Variants in MYH9 observed in about 807,000 individuals in gnomAD.
The protein encoded by MYH9 is myosin heavy chain 9.
Under a neutral mutation model 241.9 loss-of-function variants are expected in MYH9, and 29 were observed. The observed-to-expected ratio is 0.12, with a 90% CI of 0.09 to 0.16. The LOEUF (loss-of-function observed/expected upper bound fraction) is 0.16. Among genes scored for constraint, MYH9 ranks in the 10% least tolerant of loss-of-function variants. The pLI, the probability that MYH9 is intolerant of heterozygous loss-of-function variation, is 1.00. For missense variants in MYH9, 1,803 were observed against 2,595.5 expected (o/e 0.69, Z 6.63); for synonymous variants, 1,047 against 1,062.6 (o/e 0.99, Z 0.29).
intron 1 of MYH9, among the ~76,000 whole-genome samples, chr22:36,356,288 A>C (rs1190574028): frequency 6.6e-6 from 1 of 152,172 alleles, no homozygotes; most frequent in African/African-American, 2.4e-5. Flanking sequence ...ATTGTTAAGA[A>C]AGATTCTTTG....
intron 1 of MYH9, among the ~76,000 whole-genome samples, chr22:36,385,548 C>T (rs914926541): frequency 6.6e-5 from 10 of 152,154 alleles, no homozygotes; most frequent in Non-Finnish European, 1.5e-4. Context: ...CCATCTCCAA[C>T]CCCTTAGGTT....
At chr22:36,358,189 C>A (rs534455243) in intron 1 of MYH9, among the ~76,000 whole-genome samples, 17 of 152,250 alleles carry the variant, frequency 1.1e-4, no homozygotes, top group African/African-American at 4.1e-4. Flanking sequence ...CTCAGCCTCC[C>A]GAGTAGCTGG....
intron 3 of MYH9, among the ~76,000 whole-genome samples, chr22:36,334,486 CCAGAT>C (rs1226658098): frequency 6.6e-6 from 1 of 152,244 alleles, no homozygotes; most frequent in African/African-American, 2.4e-5. Context: ...GTGGACCAGA[CCAGAT>C]AAGCCAGGAC....
At chr22:36,314,364 A>G (rs1603483323) in intron 12 of MYH9, 46 bp from the exon 13 acceptor site, 4 of 1,609,298 alleles carry the variant, frequency 2.5e-6, no homozygotes, top group Non-Finnish European at 3.4e-6. Context: ...ACCCTGCACT[A>G]AAGAGGCCCA....
In MYH9 at chr22:36,322,475, G is replaced by A. The variant is rs1190062913; in HGVS notation, c.659C>T (p.Ala220Val). The A allele has an allele frequency of 1.9e-6, 3 of 1,613,848 alleles. No homozygotes were observed. Among genetic ancestry groups the A allele is most frequent in the Non-Finnish European group, 2.5e-6 (3 of 1,180,002 alleles). Reference sequence around the variant, plus strand: ...CTTCACGGTCTTGGCGTTCCCGAAGGCCTCCAGGATGGGGTTGGCCTGCAG... The same window carrying A: ...CTTCACGGTCTTGGCGTTCCCGAAGACCTCCAGGATGGGGTTGGCCTGCAG... ...QLLQANPILE[A>V]FGNAKTVKND... The change falls in exon 6 of 41, where the codon GCC becomes GTC. Residue 220 changes from alanine to valine, a missense_variant. Physicochemically the swap from Ala to Val is moderately conservative, Grantham distance 64. This residue lies in a region of MYH9 where 222 missense variants were observed against 359.9 expected (regional missense o/e 0.62). Transcript: ENST00000216181.
At chr22:36,333,752 C>T (rs904431457) in intron 3 of MYH9, among the ~76,000 whole-genome samples, 1 of 152,196 alleles carries the variant, frequency 6.6e-6, no homozygotes, top group African/African-American at 2.4e-5. Context: ...TCTGAACACA[C>T]TGTTGTTCAG....
intron 1 of MYH9, among the ~76,000 whole-genome samples, chr22:36,358,437 TG>T (rs2017889756): frequency 6.6e-6 from 1 of 152,176 alleles, no homozygotes; most frequent in Non-Finnish European, 1.5e-5. Context: ...CTTCCACCAC[TG>T]GGACAGCCGG....
intron 1 of MYH9, among the ~76,000 whole-genome samples, chr22:36,384,134 G>A (rs918822946): frequency 3.3e-5 from 5 of 151,908 alleles, no homozygotes; most frequent in Non-Finnish European, 7.4e-5. Context: ...AGCCAAGTAT[G>A]GTGGCAGGCA....
chr22:36,338,854 T>G (rs536604159), intron 3 of MYH9, among the ~76,000 whole-genome samples: 1 of 151,826 alleles, frequency 6.6e-6, no homozygotes, highest in East Asian at 1.9e-4. Context: ...ATCGCCCACC[T>G]ACCTGCCCTC....
chr22:36,317,235 T>TCC (rs2017171819), intron 11 of MYH9, among the ~76,000 whole-genome samples: 1 of 151,940 alleles, frequency 6.6e-6, no homozygotes, highest in African/African-American at 2.4e-5. Context: ...CTTTACACTC[T>TCC]CCCCTCTTCT....
intron 20 of MYH9, 76 bp downstream of exon 20, chr22:36,302,492 A>G (rs1682150112): frequency 6.9e-6 from 9 of 1,307,148 alleles, no homozygotes; most frequent in Non-Finnish European, 9.8e-6. Context: ...TACAAAAAAT[A>G]CAAACAATTA....
At chr22:36,312,921 C>A (rs1452663698) in intron 13 of MYH9, among the ~76,000 whole-genome samples, 1 of 148,810 alleles carries the variant, frequency 6.7e-6, no homozygotes, top group Non-Finnish European at 1.5e-5. Flanking sequence ...CCAGCCTGGC[C>A]AACGTGGTGA....
chr22:36,374,433 T>C (rs914099810), intron 1 of MYH9, among the ~76,000 whole-genome samples: 3 of 152,160 alleles, frequency 2.0e-5, no homozygotes, highest in South Asian at 2.1e-4. Context: ...GGCAGGAGGA[T>C]TGCTTGAACC....
At chr22:36,360,428 C>T (rs1361768361) in intron 1 of MYH9, among the ~76,000 whole-genome samples, 1 of 152,050 alleles carries the variant, frequency 6.6e-6, no homozygotes, top group Non-Finnish European at 1.5e-5. Flanking sequence ...ATCTGCTTAA[C>T]TTAGGCCGGG....
At chr22:36,292,275 C>A in intron 30 of MYH9, 41 bp from the exon 31 acceptor site, 6 of 1,611,764 alleles carry the variant, frequency 3.7e-6, no homozygotes, top group Non-Finnish European at 5.1e-6. Context: ...CGAGATGGCA[C>A]CTGCTCAGGT....
At chr22:36,314,585 G>C (rs995679505) in intron 12 of MYH9, among the ~76,000 whole-genome samples, 1 of 152,162 alleles carries the variant, frequency 6.6e-6, no homozygotes, top group Non-Finnish European at 1.5e-5. Context: ...AGATTACAAA[G>C]AAAGTAGTTA....
intron 31 of MYH9, 66 bp downstream of exon 31, chr22:36,291,919 GC>G (rs2016711164): frequency 1.2e-6 from 2 of 1,609,788 alleles, no homozygotes; most frequent in African/African-American, 2.7e-5. Context: ...TCTCTGATGG[GC>G]CCTTTGCTTT....
At chr22:36,307,910 C>A (rs1433606328) in intron 15 of MYH9, among the ~76,000 whole-genome samples, 1 of 151,480 alleles carries the variant, frequency 6.6e-6, no homozygotes, top group Non-Finnish European at 1.5e-5. Context: ...AAAAGGGAGT[C>A]ATCTTTGACC....
In MYH9 at chr22:36,348,938, T is replaced by C. The variant is rs920764409; in HGVS notation, c.299A>G (p.Asn100Ser). The change falls in exon 2 of 41, where the codon AAC becomes AGC. Residue 100 changes from asparagine to serine, a missense_variant. By Grantham distance (46) the Asn-to-Ser change is conservative (BLOSUM62 1). Coordinates refer to ENST00000216181, the MANE Select transcript of MYH9 (RefSeq NM_002473.6). ...CCCTGAGTAGTAACGCTCCTTGAGG[T>C]TGTGCAGCACCGAGGCTTCGTTGAG... ...TCLNEASVLH[N>S]LKERYYSGLI... 1 of 1,606,368 alleles carries C rather than the reference T, an allele frequency of 6.2e-7. No homozygotes were observed.
Sources: allele counts gnomAD v4.1 joint callset (sites outside exome capture counted in the v4.1 genomes callset), GRCh38; gene constraint gnomAD v4.1.1; regional missense constraint gnomAD v4.1.1; transcripts MANE v1.5; gene names NCBI Gene and HGNC (gene_info 2026-07-23, HGNC 2026-07-21).